Variants in FAM178B observed in about 807,000 individuals in gnomAD.
FAM178B encodes family with sequence similarity 178 member B.
FAM178B carries 82 observed loss-of-function variants against 91.7 expected under a neutral mutation model. That is an observed-to-expected ratio of 0.89 (90% confidence interval 0.75 to 1.07). FAM178B has a LOEUF of 1.07. Among genes scored for constraint, FAM178B ranks in the 50% least tolerant of loss-of-function variants. The pLI is 0.00. For synonymous variants in FAM178B, 368 were observed against 359.4 expected (o/e 1.02, Z -0.27); for missense variants, 769 against 846.7 (o/e 0.91, Z 1.14).
chr2:96,902,781 T>C, intron 12 of FAM178B, 74 bp from the exon 13 acceptor site: 1 of 1,118,396 alleles, frequency 8.9e-7, no homozygotes. Context: ...AGGATACCCA[T>C]GGAGAGGGGA....
chr2:96,957,843 C>CA (rs1204019227), intron 6 of FAM178B, among the ~76,000 whole-genome samples: 2 of 152,086 alleles, frequency 1.3e-5, no homozygotes, highest in Admixed American at 1.3e-4. Flanking sequence ...AATAACCTCA[C>CA]ACTGCAGCTA....
chr2:96,980,781 C>T (rs1261389417), intron 1 of FAM178B, among the ~76,000 whole-genome samples: 1 of 151,072 alleles, frequency 6.6e-6, no homozygotes, highest in Middle Eastern at 3.4e-3. Flanking sequence ...ACCTAGATAT[C>T]TTTTTTTTTC....
intron 12 of FAM178B, among the ~76,000 whole-genome samples, chr2:96,907,370 G>A (rs1296048775): frequency 1.3e-5 from 2 of 152,178 alleles, no homozygotes; most frequent in Non-Finnish European, 2.9e-5. Flanking sequence ...AAGCAGAGGG[G>A]CTGGCTGAGG....
In FAM178B at chr2:96,986,454, C is replaced by T; in HGVS notation, c.-141G>A. ...AGTGGGAGGACCCCAAGAGTTGCGT[C>T]CCTAGATCCAGGGCCGCCAACGTGG... On this transcript the variant is annotated 5_prime_UTR_variant, in exon 1 of 17. Transcript: ENST00000490605. 9.8e-7 allele frequency: 1 copy of T among 1,017,712 alleles called. No individual in the cohort carries two copies. The highest frequency in any genetic ancestry group is 1.7e-5 in the South Asian group (1 of 59,108). The allele number at this position is 1,017,712 out of a possible 1,614,324, so 63.0% of individuals were successfully genotyped here. A position where few individuals can be genotyped will look rare whatever the true frequency, so the allele number is the denominator to read the frequency against.
At chr2:96,898,969 G>A (rs2080874657) in intron 13 of FAM178B, among the ~76,000 whole-genome samples, 1 of 152,258 alleles carries the variant, frequency 6.6e-6, no homozygotes, top group African/African-American at 2.4e-5. Context: ...TGGGAAAGGG[G>A]CATGTGGGCT....
rs1227798438 is a variant in FAM178B, at chr2:96,986,529, G to GC, written c.-217dup. ...TTGAGTTCCGACTCCAAACCAAGCG[G>GC]CCAGCTCACAGCCGCCGCCGCCGCC... On this transcript the variant is annotated 5_prime_UTR_variant, in exon 1 of 17. Transcript: ENST00000490605. 1 of 586,858 alleles carries GC rather than the reference G, an allele frequency of 1.7e-6. No homozygotes were observed. The highest frequency in any genetic ancestry group is 2.9e-6 in the Non-Finnish European group (1 of 347,550). The allele number at this position is 586,858 out of a possible 1,614,324, so 36.4% of individuals were successfully genotyped here. A position where few individuals can be genotyped will look rare whatever the true frequency, so the allele number is the denominator to read the frequency against.
chr2:96,889,031 C>T (rs910815759), intron 14 of FAM178B, among the ~76,000 whole-genome samples: 6 of 152,316 alleles, frequency 3.9e-5, no homozygotes, highest in Admixed American at 3.3e-4. Flanking sequence ...CGCGCTCAGT[C>T]GGGGGCCTTG....
chr2:96,882,508 G>A (rs552959539), intron 14 of FAM178B, among the ~76,000 whole-genome samples: 1 of 152,336 alleles, frequency 6.6e-6, no homozygotes, highest in East Asian at 1.9e-4. Context: ...TTCCTTCGCA[G>A]TGTGACCAAT....
At chr2:96,905,816 GTGTATATATATATATATA>G (rs1172444993) in intron 12 of FAM178B, among the ~76,000 whole-genome samples, 26 of 36,754 alleles carry the variant, frequency 7.1e-4, no homozygotes, top group East Asian at 2.8e-3. Flanking sequence ...ACATATATGT[GTGTATATATATATATATA>G]TATATATATA....
At chr2:96,983,755 T>C (rs79933414) in intron 1 of FAM178B, among the ~76,000 whole-genome samples, 21 of 152,344 alleles carry the variant, frequency 1.4e-4, no homozygotes, top group East Asian at 1.2e-3. Context: ...TCTGCATATA[T>C]TTTATTCAAC....
At chr2:96,899,230 ACT>A in intron 13 of FAM178B, among the ~76,000 whole-genome samples, 1 of 152,256 alleles carries the variant, frequency 6.6e-6, no homozygotes, top group Admixed American at 6.5e-5. Context: ...ACAAGCACTG[ACT>A]CAGCCTCCAA....
intron 12 of FAM178B, among the ~76,000 whole-genome samples, chr2:96,908,130 T>C (rs1271268442): frequency 1.3e-5 from 2 of 152,212 alleles, no homozygotes; most frequent in African/African-American, 2.4e-5. Flanking sequence ...TAGAAGCTGG[T>C]TGTCCCTCCC....
chr2:96,978,050 T>C, intron 1 of FAM178B: 1 of 384,006 alleles, frequency 2.6e-6, no homozygotes, highest in Non-Finnish European at 5.2e-6. Context: ...TCTCAACTAT[T>C]CCTCTTCATC....
At chr2:96,973,862 G>A (rs2082255642) in intron 1 of FAM178B, among the ~76,000 whole-genome samples, 1 of 151,932 alleles carries the variant, frequency 6.6e-6, no homozygotes, top group South Asian at 2.1e-4. Flanking sequence ...AATTAGCCAG[G>A]CATGGTGGCA....
intron 1 of FAM178B, among the ~76,000 whole-genome samples, chr2:96,974,116 C>T (rs563335123): frequency 6.6e-6 from 1 of 152,088 alleles, no homozygotes; most frequent in African/African-American, 2.4e-5. Flanking sequence ...GGCGCAGTGG[C>T]TCACGCCTGT....
intron 12 of FAM178B, among the ~76,000 whole-genome samples, chr2:96,913,063 A>G (rs2081185884): frequency 6.6e-6 from 1 of 152,350 alleles, no homozygotes; most frequent in Non-Finnish European, 1.5e-5. Context: ...TTTGCTGCAG[A>G]GAAAGCTAGT....
chr2:96,891,079 G>A (rs766911401), intron 14 of FAM178B, among the ~76,000 whole-genome samples: 4 of 152,242 alleles, frequency 2.6e-5, no homozygotes, highest in Non-Finnish European at 5.9e-5. Flanking sequence ...AGCTCTGCCT[G>A]CTCAGCTAGG....
chr2:96,889,710 A>AC (rs1264216226), intron 14 of FAM178B, among the ~76,000 whole-genome samples: 7 of 136,964 alleles, frequency 5.1e-5, no homozygotes, highest in South Asian at 3.9e-4. Flanking sequence ...ATAAATAAAT[A>AC]AATAAATAAA....
At chr2:96,979,213 G>A (rs1434346247) in intron 1 of FAM178B, among the ~76,000 whole-genome samples, 1 of 150,070 alleles carries the variant, frequency 6.7e-6, no homozygotes, top group Non-Finnish European at 1.5e-5. Context: ...CTGACCTCGT[G>A]ATCTGCCTGC....
Sources: allele counts gnomAD v4.1 joint callset (sites outside exome capture counted in the v4.1 genomes callset), GRCh38; gene constraint gnomAD v4.1.1; transcripts MANE v1.5; gene names NCBI Gene and HGNC (gene_info 2026-07-23, HGNC 2026-07-21).